Variants in RBM26 observed in about 807,000 individuals in gnomAD.
RBM26 encodes RNA binding motif protein 26.
Under a neutral mutation model 123.6 loss-of-function variants are expected in RBM26, and 30 were observed. That is an observed-to-expected ratio of 0.24 (90% CI 0.18 to 0.33). The LOEUF is 0.33. Ranked by LOEUF, RBM26 falls within the 10% of genes least tolerant of loss-of-function variation. The pLI, the probability that RBM26 is intolerant of heterozygous loss-of-function variation, is 1.00. For missense variants in RBM26, 947 were observed against 1,203.6 expected, an observed-to-expected ratio of 0.79 and a Z score of 3.15; for synonymous variants, 400 against 404.4, an observed-to-expected ratio of 0.99 and a Z score of 0.13.
At chr13:79,365,497 G>A in intron 9 of RBM26, 81 bp downstream of exon 9, 1 of 1,136,060 alleles carries the variant, frequency 8.8e-7, no homozygotes, top group Non-Finnish European at 1.3e-6. Flanking sequence ...CCCAATAAAG[G>A]CAAGACCAAC....
At chr13:79,396,881 C>T (rs969311436) in intron 1 of RBM26, among the ~76,000 whole-genome samples, 22 of 152,156 alleles carry the variant, frequency 1.4e-4, no homozygotes, top group African/African-American at 5.3e-4. Context: ...ATCGTCTCAA[C>T]AGATGGAGAA....
At position 79,382,225 on chromosome 13, in the gene RBM26, C is replaced by T. The variant is rs182136310; in HGVS notation, c.72-3318G>A. On this transcript the variant is annotated intron_variant, in intron 1 of 21. Coordinates refer to ENST00000438737, the MANE Select transcript of RBM26 (RefSeq NM_001366735.2). ...ATTAACTAATTAAAAAAACTATATT[C>T]ATATAGCAAATTATTTTTAAAAATT... Among the ~76,000 whole-genome samples, 388 of 152,136 alleles carry T rather than the reference C, an allele frequency of 2.6e-3. 1 individual carries two copies. Among genetic ancestry groups the T allele is most frequent in the African/African-American group, 8.4e-3 (351 of 41,548 alleles).
In RBM26 at chr13:79,352,950, G is replaced by A. The variant is rs993595019; in HGVS notation, c.2058+203C>T. Among the ~76,000 whole-genome samples the A allele has an allele frequency of 3.9e-5, 6 of 152,162 alleles. 1 individual carries two copies. The highest frequency in any genetic ancestry group is 3.9e-4 in the Admixed American group (6 of 15,288). Reference sequence around the variant, plus strand: ...GAATGGAGTACATGGAAATATAGTGGGAGGCAAGTATTAAAATGCTGATGC... The same window carrying A: ...GAATGGAGTACATGGAAATATAGTGAGAGGCAAGTATTAAAATGCTGATGC... On this transcript the variant is annotated intron_variant, in intron 14 of 21. Transcript: ENST00000438737.
intron 1 of RBM26, among the ~76,000 whole-genome samples, chr13:79,403,365 G>A (rs1886493): frequency 6.6e-6 from 1 of 152,124 alleles, no homozygotes; most frequent in East Asian, 1.9e-4. Context: ...TACAGCCATC[G>A]AGAGTAGGCT....
At chr13:79,378,929 G>A in intron 1 of RBM26, 22 bp from the exon 2 acceptor site, 1 of 1,472,088 alleles carries the variant, frequency 6.8e-7, no homozygotes, top group South Asian at 1.2e-5. Flanking sequence ...AACCAATGTT[G>A]AAGAAAATTT....
Position 79,344,333 on chromosome 13 carries a change from G to T in RBM26, c.2185-11C>A. 1 of 1,576,152 alleles carries T rather than the reference G, an allele frequency of 6.3e-7. No individual in the cohort carries two copies. Among genetic ancestry groups the T allele is most frequent in the Non-Finnish European group, 8.7e-7 (1 of 1,146,960 alleles). On this transcript the variant is annotated splice_polypyrimidine_tract_variant and intron_variant, in intron 15 of 21. Transcript: ENST00000438737. The stretch of plus-strand genomic sequence containing the variant: ...AAGTTTCAATGCCTCCTAGAATCAG[G>T]GATCAAAAATATCATTAGAATATTA...
In RBM26 at chr13:79,320,267, A is replaced by T; in HGVS notation, c.*354T>A. On this transcript the variant is annotated 3_prime_UTR_variant, in exon 22 of 22. Transcript: ENST00000438737. ...AATGCAAATTCATTCCTTATTTGGAATAAAACAAAGTCCTCTAAGTTATAA... is the reference window on the plus strand; with the variant it reads ...AATGCAAATTCATTCCTTATTTGGATTAAAACAAAGTCCTCTAAGTTATAA... 1.0e-6 allele frequency: 1 copy of T among 979,194 alleles called. No homozygotes were observed. The highest frequency in any genetic ancestry group is 1.2e-6 in the Non-Finnish European group (1 of 822,202). The allele number at this position is 979,194 out of a possible 1,614,324, so 60.7% of individuals were successfully genotyped here. A position where few individuals can be genotyped will look rare whatever the true frequency, so the allele number is the denominator to read the frequency against.
exon 5 of RBM26, chr13:79,312,098 G>A (rs2066912322): frequency 6.6e-6 from 1 of 151,962 alleles, no homozygotes; most frequent in Non-Finnish European, 1.5e-5. Context: ...AAAGAGCAGG[G>A]AAATTTTTTC....
intron 1 of RBM26, among the ~76,000 whole-genome samples, chr13:79,401,368 G>C (rs1487677439): frequency 6.6e-6 from 1 of 152,108 alleles, no homozygotes; most frequent in Non-Finnish European, 1.5e-5. Flanking sequence ...TGCAGTAACA[G>C]AAAACACTAG....
intron 14 of RBM26, among the ~76,000 whole-genome samples, chr13:79,350,740 A>T (rs985250741): frequency 3.3e-5 from 5 of 151,974 alleles, no homozygotes; most frequent in African/African-American, 4.8e-5. Flanking sequence ...CATTTTTTTT[A>T]AAAAAAGAAT....
Position 79,370,956 on chromosome 13 carries a change from GTTCTGC to G in RBM26, c.617_622del (p.Ser206_Arg207del), listed in dbSNP as rs771275156. 1 of 1,597,974 alleles carries G rather than the reference GTTCTGC, an allele frequency of 6.3e-7. No homozygotes were observed. The highest frequency in any genetic ancestry group is 8.6e-7 in the Non-Finnish European group (1 of 1,165,256). On this transcript the variant is annotated inframe_deletion, in exon 5 of 22. Coordinates refer to ENST00000438737, the MANE Select transcript of RBM26 (RefSeq NM_001366735.2). ...AATATATTATTTACCCCTGCTTCGT[GTTCTGC>G]TTCTGCTTCTAGTCCTGCTTCTATC...
At chr13:79,395,737 A>C (rs117821936) in intron 1 of RBM26, among the ~76,000 whole-genome samples, 2,417 of 152,196 alleles carry the variant, frequency 0.016, 26 homozygotes, top group Non-Finnish European at 0.024. Flanking sequence ...AGAGTGAGGC[A>C]CTGTTTCTAA....
intron 9 of RBM26, among the ~76,000 whole-genome samples, chr13:79,363,884 A>G (rs545593130): frequency 1.3e-5 from 2 of 152,318 alleles, no homozygotes; most frequent in South Asian, 4.1e-4. Context: ...CCCCAGTAAA[A>G]TGTTAATTGA....
chr13:79,351,199 TAC>T (rs997704070), intron 14 of RBM26, among the ~76,000 whole-genome samples: 6 of 152,146 alleles, frequency 3.9e-5, no homozygotes, highest in East Asian at 1.9e-4. Flanking sequence ...AATCTGACAT[TAC>T]AGACTCCAAA....
At chr13:79,381,448 T>TTAA (rs397811868) in intron 1 of RBM26, among the ~76,000 whole-genome samples, 2 of 151,722 alleles carry the variant, frequency 1.3e-5, no homozygotes, top group Non-Finnish European at 2.9e-5. Context: ...AATATTATTA[T>TTAA]GTTTTATTGC....
intron 12 of RBM26, 124 bp downstream of exon 12, chr13:79,355,096 A>G (rs1442579383): frequency 2.4e-6 from 2 of 818,654 alleles, no homozygotes; most frequent in Non-Finnish European, 3.9e-6. Context: ...TACAGGTAAC[A>G]GAAGCTAAAT....
chr13:79,373,158 A>ATTAT (rs375791377), intron 3 of RBM26, among the ~76,000 whole-genome samples: 100,140 of 100,998 alleles, frequency 0.99, 49,680 homozygotes, highest in Middle Eastern at 1. Flanking sequence ...TATTTTATGT[A>ATTAT]TTATATATTT....
chr13:79,334,702 TG>T (rs565806962), intron 19 of RBM26, among the ~76,000 whole-genome samples: 12 of 152,138 alleles, frequency 7.9e-5, no homozygotes, highest in Non-Finnish European at 1.8e-4. Flanking sequence ...AAGGAAATAA[TG>T]GTCAAAGCCT....
intron 1 of RBM26, among the ~76,000 whole-genome samples, chr13:79,392,530 A>T (rs7986306): frequency 6.9e-6 from 1 of 145,804 alleles, no homozygotes; most frequent in African/African-American, 2.5e-5. Flanking sequence ...ATTATATGTT[A>T]TATATTATAT....
Sources: gnomAD v4.1 joint callset for allele counts (sites outside exome capture counted in the v4.1 genomes callset) on GRCh38, gnomAD v4.1.1 for gene constraint, MANE v1.5 for transcripts, NCBI Gene and HGNC (gene_info 2026-07-23, HGNC 2026-07-21) for gene names.